HS3ST4: variants seen among roughly 807,000 people sequenced by gnomAD.
HS3ST4 encodes the protein heparan sulfate-glucosamine 3-sulfotransferase 4, also known as heparan sulfate glucosamine 3-O-sulfotransferase 4.
HS3ST4 carries 17 observed loss-of-function variants against 29.2 expected under a neutral mutation model. The ratio of observed to expected loss-of-function variants is 0.58; its 90% CI spans 0.40 to 0.87. HS3ST4 has a LOEUF of 0.87. HS3ST4 is among the 40% of genes least tolerant of loss of function. The pLI, the probability that HS3ST4 is intolerant of heterozygous loss-of-function variation, is 0.00. For synonymous variants in HS3ST4, 314 were observed against 285.7 expected (o/e 1.10, Z -1.00); for missense variants, 627 against 634.5 (o/e 0.99, Z 0.13).
intron 1 of HS3ST4, among the ~76,000 whole-genome samples, chr16:25,909,246 T>C (rs1968211632): frequency 6.6e-6 from 1 of 152,170 alleles, no homozygotes; most frequent in African/African-American, 2.4e-5. Context: ...TGGAGTGCAG[T>C]GGCACATTCT....
chr16:26,011,973 T>G (rs2141740507), intron 1 of HS3ST4, among the ~76,000 whole-genome samples: 1 of 152,282 alleles, frequency 6.6e-6, no homozygotes, highest in East Asian at 1.9e-4. Flanking sequence ...CTTTGCAGTT[T>G]CTGGAAAAGA....
intron 1 of HS3ST4, among the ~76,000 whole-genome samples, chr16:25,950,362 T>C (rs1968671269): frequency 6.6e-6 from 1 of 152,162 alleles, no homozygotes; most frequent in Non-Finnish European, 1.5e-5. Context: ...ATTTTTGTGC[T>C]TTCCCTCCCC....
intron 1 of HS3ST4, among the ~76,000 whole-genome samples, chr16:25,855,210 A>C (rs1967563530): frequency 6.6e-6 from 1 of 152,168 alleles, no homozygotes; most frequent in Admixed American, 6.5e-5. Context: ...TGGTAGAAAA[A>C]AATTCTTGAG....
chr16:26,026,327 C>T (rs760365538), intron 1 of HS3ST4, among the ~76,000 whole-genome samples: 4 of 152,172 alleles, frequency 2.6e-5, no homozygotes, highest in Non-Finnish European at 5.9e-5. Context: ...CATTTGGTCA[C>T]AACAGAAAGC....
At chr16:25,790,602 A>G (rs531487540) in intron 1 of HS3ST4, among the ~76,000 whole-genome samples, 1 of 152,282 alleles carries the variant, frequency 6.6e-6, no homozygotes, top group East Asian at 1.9e-4. Flanking sequence ...GTTGTAGTAT[A>G]TCATGTGGTT....
intron 1 of HS3ST4, among the ~76,000 whole-genome samples, chr16:26,001,937 A>T (rs1969215096): frequency 6.6e-6 from 1 of 152,148 alleles, no homozygotes; most frequent in Non-Finnish European, 1.5e-5. Flanking sequence ...GTGTTTAAAG[A>T]GGGAGTTTTC....
At chr16:25,744,884 G>C (rs1207593628) in intron 1 of HS3ST4, among the ~76,000 whole-genome samples, 1 of 152,200 alleles carries the variant, frequency 6.6e-6, no homozygotes, top group Non-Finnish European at 1.5e-5. Flanking sequence ...ATGATTGTGA[G>C]GCTTCCCCAG....
chr16:26,000,069 G>A (rs2141733197), intron 1 of HS3ST4, among the ~76,000 whole-genome samples: 1 of 151,432 alleles, frequency 6.6e-6, no homozygotes, highest in Non-Finnish European at 1.5e-5. Flanking sequence ...TTATCATGCT[G>A]AGCCTTCAGC....
chr16:25,808,308 G>A (rs1320860767), intron 1 of HS3ST4, among the ~76,000 whole-genome samples: 1 of 152,110 alleles, frequency 6.6e-6, no homozygotes, highest in Non-Finnish European at 1.5e-5. Flanking sequence ...TTTCCTCTAA[G>A]GTTTGAGGTT....
chr16:25,779,206 G>A (rs531627667), intron 1 of HS3ST4, among the ~76,000 whole-genome samples: 1 of 152,198 alleles, frequency 6.6e-6, no homozygotes, highest in African/African-American at 2.4e-5. Context: ...CTGAGGATGG[G>A]AGAAAGGTGG....
At chr16:25,702,128 T>C (rs1485509568) in intron 1 of HS3ST4, among the ~76,000 whole-genome samples, 2 of 152,162 alleles carry the variant, frequency 1.3e-5, no homozygotes, top group Non-Finnish European at 2.9e-5. Flanking sequence ...TCAGGACTTA[T>C]TAGATAATAC....
At chr16:25,791,496 T>TG (rs1305208589) in intron 1 of HS3ST4, among the ~76,000 whole-genome samples, 1 of 152,116 alleles carries the variant, frequency 6.6e-6, no homozygotes, top group Non-Finnish European at 1.5e-5. Flanking sequence ...CAGCCTGATT[T>TG]GGGGGACAAT....
At chr16:26,134,124 G>C (rs1324680359) in intron 1 of HS3ST4, among the ~76,000 whole-genome samples, 1 of 152,026 alleles carries the variant, frequency 6.6e-6, no homozygotes, top group African/African-American at 2.4e-5. Context: ...AATAAGATAA[G>C]GCTACTCTGG....
At chr16:25,959,745 T>G (rs533166725) in intron 1 of HS3ST4, among the ~76,000 whole-genome samples, 3 of 152,240 alleles carry the variant, frequency 2.0e-5, no homozygotes, top group Non-Finnish European at 4.4e-5. Flanking sequence ...ATGTTGGGGA[T>G]GGGGCCTGGT....
At chr16:26,003,941 C>G (rs11641919) in intron 1 of HS3ST4, among the ~76,000 whole-genome samples, 7,119 of 152,206 alleles carry the variant, frequency 0.047, 175 homozygotes, top group Middle Eastern at 0.071. Context: ...TTGCATTCCT[C>G]ATTTTGGTGT....
At chr16:25,854,952 C>T (rs1396181850) in intron 1 of HS3ST4, among the ~76,000 whole-genome samples, 5 of 151,978 alleles carry the variant, frequency 3.3e-5, no homozygotes, top group Admixed American at 6.6e-5. Context: ...AAAATGTGTC[C>T]GAGGTGGTTG....
intron 1 of HS3ST4, among the ~76,000 whole-genome samples, chr16:26,127,130 A>G (rs563174264): frequency 1.3e-5 from 2 of 152,268 alleles, no homozygotes; most frequent in South Asian, 2.1e-4. Flanking sequence ...CATAATCCAT[A>G]AATTGTTAAT....
chr16:25,730,409 C>T (rs536478881), intron 1 of HS3ST4, among the ~76,000 whole-genome samples: 1 of 144,826 alleles, frequency 6.9e-6, no homozygotes, highest in Non-Finnish European at 1.5e-5. Flanking sequence ...CTCTCCCTCT[C>T]TCCCTCTCTT....
chr16:25,968,983 C>T (rs1968871268), intron 1 of HS3ST4, among the ~76,000 whole-genome samples: 1 of 152,142 alleles, frequency 6.6e-6, no homozygotes, highest in South Asian at 2.1e-4. Context: ...AGACATCAGG[C>T]TAATTTTTGT....
Sources: allele counts gnomAD v4.1 joint callset (sites outside exome capture counted in the v4.1 genomes callset), GRCh38; gene constraint gnomAD v4.1.1; transcripts MANE v1.5; gene names NCBI Gene and HGNC (gene_info 2026-07-23, HGNC 2026-07-21).